Variants in SEMA3E observed in about 807,000 individuals in gnomAD.
The protein encoded by SEMA3E is semaphorin 3E, also known as semaphorin-3E.
A neutral mutation model predicts 93.6 loss-of-function variants in SEMA3E; 49 were observed. The observed-to-expected ratio is 0.52, with a 90% confidence interval of 0.42 to 0.66. The LOEUF (loss-of-function observed/expected upper bound fraction) is 0.66, where lower values mean the gene tolerates loss of function less well. Ranked by LOEUF, SEMA3E falls within the 30% of genes least tolerant of loss-of-function variation. The pLI, the probability that SEMA3E is intolerant of heterozygous loss-of-function variation, is 0.00. For synonymous variants in SEMA3E, 363 were observed against 330.7 expected (o/e 1.10, Z -1.06); for missense variants, 906 against 964.8 (o/e 0.94, Z 0.81).
chr7:83,586,648 AGACCAAGACAAGCAGAAGAAGG>A (rs1018189249), intron 1 of SEMA3E, among the ~76,000 whole-genome samples: 6 of 151,648 alleles, frequency 4.0e-5, no homozygotes, highest in African/African-American at 1.5e-4. Flanking sequence ...CTCTCTTTGA[AGACCAAGACAAGCAGAAGAAGG>A]GATTATAATA....
chr7:83,399,553 T>C (rs1028848955), intron 11 of SEMA3E, among the ~76,000 whole-genome samples: 9 of 152,182 alleles, frequency 5.9e-5, no homozygotes, highest in African/African-American at 1.7e-4. Flanking sequence ...AAGTCAGTAA[T>C]GGAGCTGGGA....
At chr7:83,449,819 T>C (rs1789318177) in intron 4 of SEMA3E, among the ~76,000 whole-genome samples, 1 of 152,212 alleles carries the variant, frequency 6.6e-6, no homozygotes, top group African/African-American at 2.4e-5. Flanking sequence ...GACCTTGTTT[T>C]AAATTTTGTT....
chr7:83,459,345 G>C (rs1789561535), intron 4 of SEMA3E, among the ~76,000 whole-genome samples: 1 of 151,984 alleles, frequency 6.6e-6, no homozygotes, highest in Non-Finnish European at 1.5e-5. Context: ...CTATAACCAA[G>C]GAAAATTCCT....
intron 12 of SEMA3E, among the ~76,000 whole-genome samples, chr7:83,394,647 A>G (rs1788085325): frequency 6.6e-6 from 1 of 152,218 alleles, no homozygotes; most frequent in Non-Finnish European, 1.5e-5. Flanking sequence ...AGTATCTTTA[A>G]ATAAAATAAT....
intron 1 of SEMA3E, among the ~76,000 whole-genome samples, chr7:83,492,215 G>A (rs759237067): frequency 1.3e-5 from 2 of 148,414 alleles, no homozygotes; most frequent in Non-Finnish European, 1.5e-5. Context: ...ACTAAGTTGG[G>A]AAATAAGAGA....
chr7:83,376,275 T>A (rs1000661512), intron 16 of SEMA3E, among the ~76,000 whole-genome samples: 1 of 152,016 alleles, frequency 6.6e-6, no homozygotes, highest in East Asian at 1.9e-4. Context: ...TACCATAGGA[T>A]AGCATTGGTA....
chr7:83,389,968 T>C (rs1787967700), intron 14 of SEMA3E, among the ~76,000 whole-genome samples: 1 of 131,696 alleles, frequency 7.6e-6, no homozygotes, highest in Non-Finnish European at 1.7e-5. Flanking sequence ...AGTGTATACG[T>C]ATACACATAT....
At chr7:83,527,390 T>C (rs1791183449) in intron 1 of SEMA3E, among the ~76,000 whole-genome samples, 1 of 152,116 alleles carries the variant, frequency 6.6e-6, no homozygotes, top group Non-Finnish European at 1.5e-5. Flanking sequence ...ACTCATTCCT[T>C]GGAGTAGGTG....
rs1791323225 is a variant in SEMA3E at position 83,532,583 on chromosome 7, C to T, written c.116-42309G>A. Among the ~76,000 whole-genome samples the T allele has an allele frequency of 2.0e-5, 3 of 152,138 alleles. No homozygotes were observed. The South Asian group carries it at 6.2e-4, about 32-fold the overall frequency. ...GACAAATGTATTGCCCTGGTAAAAA[C>T]ACTCCATAATCAGGAATCTTGAAAC... On this transcript the variant is annotated intron_variant, in intron 1 of 16. Coordinates refer to ENST00000643230, the MANE Select transcript of SEMA3E (RefSeq NM_012431.3).
intron 1 of SEMA3E, among the ~76,000 whole-genome samples, chr7:83,491,460 G>A (rs779782009): frequency 1.3e-5 from 2 of 151,908 alleles, no homozygotes; most frequent in Non-Finnish European, 2.9e-5. Context: ...ACTTTGTGGA[G>A]TTAAATTTAA....
At chr7:83,559,139 C>A (rs1378830087) in intron 1 of SEMA3E, among the ~76,000 whole-genome samples, 11 of 152,174 alleles carry the variant, frequency 7.2e-5, no homozygotes, top group Admixed American at 7.2e-4. Flanking sequence ...GAGCTGAGAA[C>A]AAGTCCAAAT....
chr7:83,481,395 GT>G (rs996955980), intron 2 of SEMA3E, among the ~76,000 whole-genome samples: 1 of 151,658 alleles, frequency 6.6e-6, no homozygotes, highest in African/African-American at 2.4e-5. Context: ...ACAAAAACAC[GT>G]TTTTTTTCAA....
intron 2 of SEMA3E, among the ~76,000 whole-genome samples, chr7:83,474,621 C>T (rs916262108): frequency 6.6e-6 from 1 of 152,144 alleles, no homozygotes; most frequent in Admixed American, 6.5e-5. Flanking sequence ...AAAGCACACA[C>T]ATAAAATCCT....
rs1401325086 is a variant in SEMA3E, at chr7:83,490,197, C to A, written c.193G>T (p.Glu65Ter). The change falls in exon 2 of 17, where the codon GAA becomes TAA. Residue 65 changes from glutamate (E) to a stop codon, truncating the protein, a stop_gained. Coordinates refer to ENST00000643230, the MANE Select transcript of SEMA3E (RefSeq NM_012431.3). LOFTEE classifies it high-confidence loss of function. ...CCCACGAAGAGCCTCTCTTGATATT[C>A]ATCCAGCAGCATTGTATGGAGATCA... The part of the protein sequence containing the change: ...FLDLHTMLLD[E>*]YQERLFVGGR... The A allele has an allele frequency of 6.2e-7, 1 of 1,613,042 alleles. No individual in the cohort carries two copies. The highest frequency in any genetic ancestry group is 8.5e-7 in the Non-Finnish European group (1 of 1,179,418).
intron 4 of SEMA3E, among the ~76,000 whole-genome samples, chr7:83,428,916 G>T (rs932307659): frequency 6.6e-6 from 1 of 152,014 alleles, no homozygotes; most frequent in Admixed American, 6.6e-5. Flanking sequence ...TCAGAGGCAG[G>T]GTGAGGCTTG....
Position 83,570,489 on chromosome 7 carries a change from C to G in SEMA3E, c.115+77939G>C, listed in dbSNP as rs1387039227. On this transcript the variant is annotated intron_variant, in intron 1 of 16. Transcript: ENST00000643230. The stretch of plus-strand genomic sequence containing the variant: ...AATGGCGTGAACCCAGGAGGCGGAG[C>G]TTGCAGTGAGCCGAGATCCCGCCAC... Among the ~76,000 whole-genome samples the G allele has an allele frequency of 7.6e-5, 9 of 118,456 alleles. No individual in the cohort carries two copies. In the East Asian group the frequency reaches 1.8e-3, roughly 24 times the overall value. The allele number at this position is 118,456 out of a possible 152,430, so 77.7% of individuals were successfully genotyped here. A position where few individuals can be genotyped will look rare whatever the true frequency, so the allele number is the denominator to read the frequency against.
chr7:83,626,396 C>G (rs1396558516), intron 1 of SEMA3E, among the ~76,000 whole-genome samples: 1 of 151,968 alleles, frequency 6.6e-6, no homozygotes. Flanking sequence ...TGTTATTGAT[C>G]TATTCAGGGA....
At chr7:83,569,739 T>C (rs1792234745) in intron 1 of SEMA3E, among the ~76,000 whole-genome samples, 1 of 152,178 alleles carries the variant, frequency 6.6e-6, no homozygotes, top group Non-Finnish European at 1.5e-5. Flanking sequence ...ATAAAACAAG[T>C]TCTCCTTGAC....
chr7:83,567,786 A>G (rs1286450396), intron 1 of SEMA3E, among the ~76,000 whole-genome samples: 1 of 152,038 alleles, frequency 6.6e-6, no homozygotes, highest in Non-Finnish European at 1.5e-5. Context: ...TAACAATAAA[A>G]GTCTACATCA....
Sources: allele counts gnomAD v4.1 joint callset (sites outside exome capture counted in the v4.1 genomes callset), GRCh38; gene constraint gnomAD v4.1.1; transcripts MANE v1.5; gene names NCBI Gene and HGNC (gene_info 2026-07-23, HGNC 2026-07-21).